B3GALNT1: variants seen among roughly 807,000 people sequenced by gnomAD.
B3GALNT1 encodes UDP-GalNAc:beta-1,3-N-acetylgalactosaminyltransferase 1.
In B3GALNT1, 17 loss-of-function variants were observed where a neutral mutation model predicts 27.3. The ratio of observed to expected loss-of-function variants is 0.62; its 90% CI spans 0.43 to 0.94. The LOEUF is 0.94. Ranked by LOEUF, B3GALNT1 falls within the 40% of genes least tolerant of loss-of-function variation. The pLI is 0.00. For missense variants in B3GALNT1, 347 were observed against 390.0 expected (o/e 0.89, Z 0.93); for synonymous variants, 141 against 144.0 (o/e 0.98, Z 0.15).
intron 2 of B3GALNT1, chr3:161,103,967 T>C (rs988826832): frequency 3.4e-5 from 7 of 205,064 alleles, no homozygotes; most frequent in African/African-American, 7.1e-5. Context: ...CCTGAGGTGA[T>C]CTGCCCGCCT....
chr3:161,093,146 C>A (rs781668929), intron 4 of B3GALNT1, among the ~76,000 whole-genome samples: 1 of 152,174 alleles, frequency 6.6e-6, no homozygotes, highest in African/African-American at 2.4e-5. Flanking sequence ...CCAGTCAGCA[C>A]AGGGCCTGGT....
rs568319854 is a variant in B3GALNT1, at chr3:161,091,626, A to G, written c.-34-4838T>C. 5.9e-5 allele frequency among the ~76,000 whole-genome samples: 9 copies of G among 152,240 alleles called. No individual in the cohort carries two copies. In the South Asian group the frequency reaches 1.9e-3, roughly 32 times the overall value. On this transcript the variant is annotated intron_variant, in intron 4 of 4. Transcript: ENST00000320474. ...CAGTACTTGTGTGCAAGTCACCCTT[A>G]TTTTACCTAATAATGGCCCCAAGGC...
At chr3:161,103,841 C>T (rs1317069784) in intron 2 of B3GALNT1, 1 of 180,888 alleles carries the variant, frequency 5.5e-6, no homozygotes, top group African/African-American at 2.4e-5. Flanking sequence ...AATTCTCCTG[C>T]CTCAGCCCCC....
chr3:161,091,864 A>C (rs1440688627), intron 4 of B3GALNT1, among the ~76,000 whole-genome samples: 4 of 152,192 alleles, frequency 2.6e-5, no homozygotes, highest in Non-Finnish European at 5.9e-5. Flanking sequence ...TCATTTTGCA[A>C]TCTTTCATGA....
rs185667635 is a variant in B3GALNT1 at position 161,103,423 on chromosome 3, T to C, written c.-130+4A>G. 120 of 1,231,978 alleles carry C rather than the reference T, an allele frequency of 9.7e-5. No individual in the cohort carries two copies. The highest frequency in any genetic ancestry group is 1.2e-4 in the Non-Finnish European group (109 of 938,234). The allele number at this position is 1,231,978 out of a possible 1,614,324, so 76.3% of individuals were successfully genotyped here. On this transcript the variant is annotated splice_donor_region_variant and intron_variant, in intron 3 of 4. Transcript: ENST00000320474. ...ATTTATAAGTTAAAAGTAGATGAACTTACCTGTGGAATTCCAGATGAAATT... is the reference window on the plus strand; with the variant it reads ...ATTTATAAGTTAAAAGTAGATGAACCTACCTGTGGAATTCCAGATGAAATT...
At chr3:161,099,433 C>T (rs183271615) in intron 4 of B3GALNT1, among the ~76,000 whole-genome samples, 1 of 152,122 alleles carries the variant, frequency 6.6e-6, no homozygotes, top group Admixed American at 6.5e-5. Flanking sequence ...TGCACAAGGG[C>T]AGGATGGGGG....
rs150681589 is a variant in B3GALNT1, at chr3:161,086,229, C to A, written c.526G>T (p.Val176Leu). The change falls in exon 5 of 5, where the codon GTA becomes TTA. Residue 176 changes from valine to leucine, a missense_variant. By Grantham distance (32) the Val-to-Leu change is conservative. Transcript: ENST00000320474. ...AAAACATCAGTGTCTGTCTTCATTA[C>A]GTACTTGGCATTGGGGCAAAACTCA... Reference protein sequence around the residue: ...VTEFCPNAKYVMKTDTDVFIN... With the variant: ...VTEFCPNAKYLMKTDTDVFIN... 7 of 1,614,064 alleles carry A rather than the reference C, an allele frequency of 4.3e-6. No homozygotes were observed. The highest frequency in any genetic ancestry group is 5.9e-6 in the Non-Finnish European group (7 of 1,179,994).
At chr3:161,101,031 C>T in intron 4 of B3GALNT1, 108 bp downstream of exon 4, 1 of 781,826 alleles carries the variant, frequency 1.3e-6, no homozygotes, top group Non-Finnish European at 1.9e-6. Flanking sequence ...ATGCCAAGCT[C>T]CTTCTGCCAG....
At chr3:161,087,280 T>C (rs997047720) in intron 4 of B3GALNT1, among the ~76,000 whole-genome samples, 1 of 152,240 alleles carries the variant, frequency 6.6e-6, no homozygotes, top group Non-Finnish European at 1.5e-5. Context: ...ATACGGATTC[T>C]AGCAAATCTG....
rs550719874 is a variant in B3GALNT1, at chr3:161,085,745, T to C, written c.*14A>G. 6 of 1,613,824 alleles carry C rather than the reference T, an allele frequency of 3.7e-6. No homozygotes were observed. The East Asian group carries it at 6.7e-5, about 18-fold the overall frequency. ...AAGTATCCTGTCCTTCTAGGCTTTTTGTAGAATGTGAAGTTAATAATGGCA... is the reference window on the plus strand; with the variant it reads ...AAGTATCCTGTCCTTCTAGGCTTTTCGTAGAATGTGAAGTTAATAATGGCA... On this transcript the variant is annotated 3_prime_UTR_variant, in exon 5 of 5. Coordinates refer to ENST00000320474, the MANE Select transcript of B3GALNT1 (RefSeq NM_003781.4).
intron 4 of B3GALNT1, 54 bp from the exon 5 acceptor site, chr3:161,086,842 A>T: frequency 6.6e-7 from 1 of 1,525,590 alleles, no homozygotes; most frequent in Non-Finnish European, 8.9e-7. Context: ...ACACATTTTC[A>T]AAAGACATCT....
At chr3:161,103,129 T>C (rs1732297653) in intron 3 of B3GALNT1, 1 of 160,462 alleles carries the variant, frequency 6.2e-6, no homozygotes. Context: ...TCCTCGCTAC[T>C]CTGCAGGCTT....
At chr3:161,104,488 T>C (rs556130163) in intron 1 of B3GALNT1, 82 bp from the exon 2 acceptor site, 2 of 565,104 alleles carry the variant, frequency 3.5e-6, no homozygotes, top group Non-Finnish European at 5.5e-6. Flanking sequence ...GGCGAACGGA[T>C]ACTGAATTCA....
At position 161,104,417 on chromosome 3, in the gene B3GALNT1, C is replaced by T. The variant is rs1733151976; in HGVS notation, c.-308-11G>A. ...CTAAACGCAGGCAATCTGTGCAAAACGCAGAGGAAACAAAATCATGAAAGC... is the reference window on the plus strand; with the variant it reads ...CTAAACGCAGGCAATCTGTGCAAAATGCAGAGGAAACAAAATCATGAAAGC... On this transcript the variant is annotated splice_polypyrimidine_tract_variant and intron_variant, in intron 1 of 4. Coordinates refer to ENST00000320474, the MANE Select transcript of B3GALNT1 (RefSeq NM_003781.4). 2 of 1,223,814 alleles carry T rather than the reference C, an allele frequency of 1.6e-6. No individual in the cohort carries two copies. Among genetic ancestry groups the T allele is most frequent in the Non-Finnish European group, 2.1e-6 (2 of 938,014 alleles). The allele number at this position is 1,223,814 out of a possible 1,614,324, so 75.8% of individuals were successfully genotyped here.
intron 2 of B3GALNT1, 145 bp downstream of exon 2, chr3:161,104,174 C>A (rs184290952): frequency 8.8e-6 from 4 of 453,178 alleles, no homozygotes; most frequent in East Asian, 1.4e-4. Context: ...CAGACTGATA[C>A]GCGTTCAGTA....
chr3:161,084,423 T>C lies in B3GALNT1; in HGVS notation c.*1336A>G, dbSNP rs1720768916. Reference sequence around the variant, plus strand: ...TATTACAAGAGCTGACTACATACTTTCAAGTTTATATTTCCTGACAAAGGA... The same window carrying C: ...TATTACAAGAGCTGACTACATACTTCCAAGTTTATATTTCCTGACAAAGGA... On this transcript the variant is annotated 3_prime_UTR_variant, in exon 5 of 5. Coordinates refer to ENST00000320474, the MANE Select transcript of B3GALNT1 (RefSeq NM_003781.4). 2 of 152,210 alleles carry C rather than the reference T, an allele frequency of 1.3e-5. No individual in the cohort carries two copies. The highest frequency in any genetic ancestry group is 2.9e-5 in the Non-Finnish European group (2 of 68,026). The allele number at this position is 152,210 out of a possible 1,614,324, so 9.4% of individuals were successfully genotyped here.
chr3:161,096,593 G>C (rs1728301924), intron 4 of B3GALNT1, among the ~76,000 whole-genome samples: 1 of 152,098 alleles, frequency 6.6e-6, no homozygotes, highest in Non-Finnish European at 1.5e-5. Flanking sequence ...ACATCTTTGA[G>C]GGAAATTCCC....
At chr3:161,092,135 T>C (rs1267096994) in intron 4 of B3GALNT1, among the ~76,000 whole-genome samples, 1 of 152,116 alleles carries the variant, frequency 6.6e-6, no homozygotes, top group Non-Finnish European at 1.5e-5. Context: ...TGGAATCTAA[T>C]CAAATTTTAC....
intron 4 of B3GALNT1, among the ~76,000 whole-genome samples, chr3:161,095,109 G>C (rs959090568): frequency 6.6e-6 from 1 of 152,148 alleles, no homozygotes; most frequent in African/African-American, 2.4e-5. Flanking sequence ...TGGCATTATA[G>C]ATGTGGGCCA....
Sources: allele counts gnomAD v4.1 joint callset (sites outside exome capture counted in the v4.1 genomes callset), GRCh38; gene constraint gnomAD v4.1.1; transcripts MANE v1.5; gene names NCBI Gene and HGNC (gene_info 2026-07-23, HGNC 2026-07-21).